PLS1: variants seen among roughly 807,000 people sequenced by gnomAD.
PLS1 encodes plastin-1.
PLS1 carries 32 observed loss-of-function variants against 73.7 expected under a neutral mutation model. The ratio of observed to expected loss-of-function variants is 0.43; its 90% confidence interval spans 0.33 to 0.58. The LOEUF is 0.58. PLS1 is among the 20% of genes least tolerant of loss of function. The pLI, the probability that PLS1 is intolerant of heterozygous loss-of-function variation, is 0.04. For missense variants in PLS1, 633 were observed against 740.5 expected (o/e 0.85, Z 1.68); for synonymous variants, 217 against 261.3 (o/e 0.83, Z 1.63).
rs769981515 is a variant in PLS1 at position 142,694,469 on chromosome 3, G to T, written c.1178G>T (p.Gly393Val). The T allele has an allele frequency of 2.6e-5, 42 of 1,592,502 alleles. No individual in the cohort carries two copies. Among genetic ancestry groups the T allele is most frequent in the Non-Finnish European group, 3.3e-5 (38 of 1,160,858 alleles). ...CAGTGTGAGCTTGTGTCTACTCTAG[G>T]AGAGAGCAAGGAAGAGAGAACATTT... The part of the protein sequence containing the change: ...NNDIDMNLLE[G>V]ESKEERTFRN... Residue 393 changes from glycine to valine, a missense_variant and splice_region_variant, in exon 11 of 16, where the codon GGA becomes GTA. Physicochemically the swap from Gly to Val is moderately radical, Grantham distance 109 (BLOSUM62 -3). Transcript: ENST00000457734.
intron 1 of PLS1, among the ~76,000 whole-genome samples, chr3:142,612,457 T>C (rs1005607334): frequency 2.0e-5 from 3 of 152,248 alleles, no homozygotes; most frequent in African/African-American, 7.2e-5. Context: ...AAAGGGATCA[T>C]TGTTCATCAT....
chr3:142,613,246 G>C (rs546133598), intron 1 of PLS1, among the ~76,000 whole-genome samples: 1 of 152,126 alleles, frequency 6.6e-6, no homozygotes, highest in African/African-American at 2.4e-5. Flanking sequence ...GAGATGCCAA[G>C]GAGGGCAGAT....
Position 142,711,597 on chromosome 3 carries a change from T to C in PLS1, c.1726T>C (p.Ser576Pro), listed in dbSNP as rs139498003. Residue 576 changes from serine (S) to proline (P), a missense_variant, in exon 15 of 16, where the codon TCT becomes CCT. Coordinates refer to ENST00000457734, the MANE Select transcript of PLS1 (RefSeq NM_001145319.2). Reference sequence around the variant, plus strand: ...AGAAATGATCAGGAGAGAAAACTTATCTGATGAGGACAAGCTGAACAATGC... The same window carrying C: ...AGAAATGATCAGGAGAGAAAACTTACCTGATGAGGACAAGCTGAACAATGC... ...RQEMIRRENL[S>P]DEDKLNNAKY... 8.9e-5 allele frequency: 143 copies of C among 1,608,722 alleles called. No individual in the cohort carries two copies. Among genetic ancestry groups the C allele is most frequent in the Non-Finnish European group, 1.2e-4 (142 of 1,176,096 alleles).
chr3:142,665,206 G>A (rs1244724811), intron 2 of PLS1, among the ~76,000 whole-genome samples: 2 of 144,674 alleles, frequency 1.4e-5, no homozygotes, highest in Non-Finnish European at 1.5e-5. Flanking sequence ...ACCTAATAAC[G>A]ACTAAAATTA....
At chr3:142,640,212 C>T (rs1015362262) in intron 1 of PLS1, among the ~76,000 whole-genome samples, 1 of 152,168 alleles carries the variant, frequency 6.6e-6, no homozygotes, top group Admixed American at 6.5e-5. Context: ...ATCTACTTCA[C>T]TTCTCTGAAG....
At chr3:142,649,348 A>AAAAG (rs2037031832) in intron 1 of PLS1, among the ~76,000 whole-genome samples, 1 of 151,306 alleles carries the variant, frequency 6.6e-6, no homozygotes, top group Admixed American at 6.6e-5. Flanking sequence ...AAAAAAAAAA[A>AAAAG]AAAAAGGCCA....
chr3:142,675,482 A>G (rs1000935992), intron 4 of PLS1, among the ~76,000 whole-genome samples: 2 of 152,058 alleles, frequency 1.3e-5, no homozygotes, highest in African/African-American at 2.4e-5. Context: ...TCCTGGGTTC[A>G]TGTCATTCTC....
chr3:142,691,228 A>G (rs554821340), intron 10 of PLS1, among the ~76,000 whole-genome samples: 4 of 152,156 alleles, frequency 2.6e-5, no homozygotes, highest in African/African-American at 9.7e-5. Flanking sequence ...TGAGTAATTC[A>G]TTCTTCTTGA....
chr3:142,674,730 C>T (rs1336886619), intron 4 of PLS1, among the ~76,000 whole-genome samples: 2 of 151,846 alleles, frequency 1.3e-5, no homozygotes, highest in Admixed American at 1.3e-4. Flanking sequence ...ATTTTTTCTT[C>T]GTTTTTTGTT....
At position 142,600,032 on chromosome 3, in the gene PLS1, G is replaced by A. The variant is rs80258126; in HGVS notation, c.-37+3523G>A. The stretch of plus-strand genomic sequence containing the variant: ...CAATGTGTTAGGATTACAGGCCTGA[G>A]CCACCATGCTCAGCCTCCCAAGATT... On this transcript the variant is annotated intron_variant, in intron 1 of 15. Coordinates refer to ENST00000457734, the MANE Select transcript of PLS1 (RefSeq NM_001145319.2). Among the ~76,000 whole-genome samples the A allele has an allele frequency of 3.5e-3, 527 of 152,256 alleles. 1 individual carries two copies. Among genetic ancestry groups the A allele is most frequent in the Non-Finnish European group, 5.8e-3 (396 of 68,010 alleles).
At chr3:142,656,386 A>G (rs2037236699) in intron 1 of PLS1, among the ~76,000 whole-genome samples, 1 of 152,220 alleles carries the variant, frequency 6.6e-6, no homozygotes, top group Admixed American at 6.5e-5. Flanking sequence ...ATTTTCATAT[A>G]TTTTACCCTT....
intron 1 of PLS1, among the ~76,000 whole-genome samples, chr3:142,612,640 T>G (rs1432380304): frequency 2.6e-5 from 4 of 152,066 alleles, no homozygotes; most frequent in Non-Finnish European, 5.9e-5. Flanking sequence ...TACTCCTAGC[T>G]ACTGAAGAGG....
At chr3:142,679,805 G>C (rs1307224531) in intron 6 of PLS1, among the ~76,000 whole-genome samples, 3 of 152,108 alleles carry the variant, frequency 2.0e-5, no homozygotes, top group Admixed American at 1.3e-4. Flanking sequence ...TTCCAATTCT[G>C]TGAAAAAAGT....
At chr3:142,649,391 T>G (rs905859780) in intron 1 of PLS1, among the ~76,000 whole-genome samples, 9 of 143,752 alleles carry the variant, frequency 6.3e-5, no homozygotes, top group African/African-American at 7.9e-5. Context: ...ATCCCAGCAC[T>G]TTGGGAGGCT....
intron 12 of PLS1, among the ~76,000 whole-genome samples, chr3:142,699,762 GAC>G (rs774940030): frequency 6.6e-6 from 1 of 152,050 alleles, no homozygotes; most frequent in Non-Finnish European, 1.5e-5. Context: ...TGTATTTATA[GAC>G]ACTAATTTTA....
At chr3:142,654,097 C>T (rs1316446646) in intron 1 of PLS1, among the ~76,000 whole-genome samples, 1 of 152,106 alleles carries the variant, frequency 6.6e-6, no homozygotes, top group African/African-American at 2.4e-5. Flanking sequence ...GAAGGCCATC[C>T]CAAATTGCAA....
At chr3:142,636,392 CA>C (rs983155136) in intron 1 of PLS1, among the ~76,000 whole-genome samples, 2 of 151,080 alleles carry the variant, frequency 1.3e-5, no homozygotes, top group African/African-American at 2.4e-5. Context: ...TACCCAGATG[CA>C]AAAAAAAGAA....
chr3:142,701,149 T>TGAAA (rs2038323969), intron 12 of PLS1, among the ~76,000 whole-genome samples: 1 of 152,250 alleles, frequency 6.6e-6, no homozygotes, highest in Non-Finnish European at 1.5e-5. Flanking sequence ...CTTGCTTTCT[T>TGAAA]TGTGCTCATT....
intron 4 of PLS1, chr3:142,673,638 T>C (rs561055127): frequency 1.4e-4 from 22 of 152,378 alleles, no homozygotes; most frequent in African/African-American, 5.1e-4. Context: ...TGTCACCCCA[T>C]TGATTGCCAG....
Sources: allele counts gnomAD v4.1 joint callset (sites outside exome capture counted in the v4.1 genomes callset), GRCh38; gene constraint gnomAD v4.1.1; transcripts MANE v1.5; gene names NCBI Gene and HGNC (gene_info 2026-07-23, HGNC 2026-07-21).